ZBTB20: variants seen among roughly 807,000 people sequenced by gnomAD.
ZBTB20 encodes the protein zinc finger and BTB domain containing 20, also known as zinc finger and BTB domain-containing protein 20.
A neutral mutation model predicts 56.9 loss-of-function variants in ZBTB20; 9 were observed. That is an observed-to-expected ratio of 0.16 (90% confidence interval 0.10 to 0.28). The LOEUF (loss-of-function observed/expected upper bound fraction) is 0.28, where lower values mean the gene tolerates loss of function less well. ZBTB20 is among the 10% of genes least tolerant of loss of function. The pLI, the probability that ZBTB20 is intolerant of heterozygous loss-of-function variation, is 1.00. For synonymous variants in ZBTB20, 417 were observed against 420.7 expected (o/e 0.99, Z 0.11); for missense variants, 655 against 1,003.0 (o/e 0.65, Z 4.69).
chr3:114,392,004 A>AT (rs1262510134), intron 7 of ZBTB20, among the ~76,000 whole-genome samples: 1 of 152,196 alleles, frequency 6.6e-6, no homozygotes, highest in Non-Finnish European at 1.5e-5. Context: ...TGCTTCATTT[A>AT]TTTGCTTCAA....
intron 2 of ZBTB20, among the ~76,000 whole-genome samples, chr3:115,003,387 C>G (rs1415847131): frequency 6.6e-6 from 1 of 151,530 alleles, no homozygotes; most frequent in Non-Finnish European, 1.5e-5. Context: ...AATGGGCATA[C>G]AGGAACTCTA....
intron 6 of ZBTB20, among the ~76,000 whole-genome samples, chr3:114,586,269 G>A (rs1053264411): frequency 6.6e-6 from 1 of 152,220 alleles, no homozygotes; most frequent in African/African-American, 2.4e-5. Flanking sequence ...ATGAAGTCCT[G>A]AAGACTGGAT....
intron 6 of ZBTB20, among the ~76,000 whole-genome samples, chr3:114,655,354 G>A (rs1287789723): frequency 6.8e-6 from 1 of 147,204 alleles, no homozygotes; most frequent in African/African-American, 2.5e-5. Flanking sequence ...CCGGGTTCAC[G>A]CCATTCTCCT....
At chr3:114,546,844 TA>T (rs1559942006) in intron 6 of ZBTB20, among the ~76,000 whole-genome samples, 2 of 152,098 alleles carry the variant, frequency 1.3e-5, no homozygotes, top group East Asian at 1.9e-4. Flanking sequence ...CAAATAGGGT[TA>T]AAAAAAGAAT....
chr3:114,412,445 G>A (rs2088064911), intron 7 of ZBTB20, among the ~76,000 whole-genome samples: 2 of 152,248 alleles, frequency 1.3e-5, no homozygotes, highest in South Asian at 4.1e-4. Context: ...AAGCTGAAGA[G>A]GACAAGGATC....
At chr3:115,012,276 A>T (rs1479071811) in intron 2 of ZBTB20, among the ~76,000 whole-genome samples, 2 of 151,862 alleles carry the variant, frequency 1.3e-5, no homozygotes, top group Non-Finnish European at 2.9e-5. Flanking sequence ...AAGTGGATGA[A>T]TGAACAAACA....
chr3:114,575,784 A>G (rs998261305), intron 6 of ZBTB20, among the ~76,000 whole-genome samples: 4 of 152,178 alleles, frequency 2.6e-5, no homozygotes, highest in Non-Finnish European at 4.4e-5. Flanking sequence ...AGAGTTACCA[A>G]ATATATTTAT....
chr3:114,552,046 C>T (rs1026233931), intron 6 of ZBTB20, among the ~76,000 whole-genome samples: 7 of 152,160 alleles, frequency 4.6e-5, no homozygotes, highest in African/African-American at 1.7e-4. Flanking sequence ...TCCTTCTCTA[C>T]AAAATATTAT....
chr3:114,800,157 T>C (rs2071608775), intron 5 of ZBTB20, among the ~76,000 whole-genome samples: 1 of 151,958 alleles, frequency 6.6e-6, no homozygotes, highest in Non-Finnish European at 1.5e-5. Context: ...CATAAGCTTC[T>C]GGATTTTATT....
intron 2 of ZBTB20, among the ~76,000 whole-genome samples, chr3:114,984,204 G>T (rs1157902847): frequency 1.3e-5 from 2 of 151,890 alleles, no homozygotes; most frequent in Non-Finnish European, 2.9e-5. Context: ...CAGTTATTGA[G>T]CCTGGCCCAT....
intron 7 of ZBTB20, among the ~76,000 whole-genome samples, chr3:114,413,129 G>A (rs1215986932): frequency 1.3e-5 from 2 of 152,030 alleles, no homozygotes; most frequent in Admixed American, 6.6e-5. Flanking sequence ...AAAAAGAATA[G>A]GAGAACGTTC....
chr3:115,052,749 A>AT (rs1399525359), intron 2 of ZBTB20, among the ~76,000 whole-genome samples: 1 of 152,138 alleles, frequency 6.6e-6, no homozygotes, highest in Non-Finnish European at 1.5e-5. Context: ...GGTATATCTA[A>AT]TTTTCACTAT....
At chr3:114,973,933 T>C (rs1254381792) in intron 3 of ZBTB20, among the ~76,000 whole-genome samples, 2 of 152,034 alleles carry the variant, frequency 1.3e-5, no homozygotes, top group African/African-American at 2.4e-5. Context: ...CCCCAACAAA[T>C]ACAATTTTAT....
intron 3 of ZBTB20, among the ~76,000 whole-genome samples, chr3:114,927,805 C>T (rs981396011): frequency 2.9e-4 from 44 of 152,170 alleles, no homozygotes; most frequent in Non-Finnish European, 8.8e-5. Context: ...TTTATAAATG[C>T]ATTTTCAGAC....
At chr3:114,729,956 ATTTTTT>A (rs1229757252) in intron 5 of ZBTB20, among the ~76,000 whole-genome samples, 1,575 of 119,434 alleles carry the variant, frequency 0.013, 24 homozygotes, top group South Asian at 0.07. Context: ...CATCCGGCTA[ATTTTTT>A]TTTTTTTTTT....
chr3:114,660,857 A>G (rs927465128), intron 6 of ZBTB20, among the ~76,000 whole-genome samples: 2 of 152,122 alleles, frequency 1.3e-5, no homozygotes, highest in Non-Finnish European at 2.9e-5. Flanking sequence ...AAACACAAGG[A>G]ACTAGATAAA....
chr3:114,778,518 A>G (rs1312309861), intron 5 of ZBTB20, among the ~76,000 whole-genome samples: 1 of 152,122 alleles, frequency 6.6e-6, no homozygotes, highest in Non-Finnish European at 1.5e-5. Flanking sequence ...CCTGAACTCT[A>G]TGATTCTTCT....
At chr3:114,966,384 T>C (rs1235124966) in intron 3 of ZBTB20, among the ~76,000 whole-genome samples, 1 of 152,164 alleles carries the variant, frequency 6.6e-6, no homozygotes, top group African/African-American at 2.4e-5. Context: ...GGAAATTGTT[T>C]AAAAAAGTTT....
At chr3:115,057,110 T>C (rs905529148) in intron 2 of ZBTB20, among the ~76,000 whole-genome samples, 3 of 152,118 alleles carry the variant, frequency 2.0e-5, no homozygotes, top group Non-Finnish European at 2.9e-5. Flanking sequence ...ATTATCCTTC[T>C]GTCTTCTCTA....
Sources: allele counts gnomAD v4.1 joint callset (sites outside exome capture counted in the v4.1 genomes callset), GRCh38; gene constraint gnomAD v4.1.1; transcripts MANE v1.5; gene names NCBI Gene and HGNC (gene_info 2026-07-23, HGNC 2026-07-21).